The following EVC variants were observed in gnomAD, a reference collection of about 807,000 sequenced individuals.
The protein encoded by EVC is EvC ciliary complex subunit 1, also known as evC complex member EVC.
EVC carries 116 observed loss-of-function variants against 118.9 expected under a neutral mutation model. That is an observed-to-expected ratio of 0.98 (90% confidence interval 0.84 to 1.14). The LOEUF is 1.14. Among genes scored for constraint, EVC ranks in the 50% most tolerant of loss-of-function variants. The pLI is 0.00. For synonymous variants in EVC, 619 were observed against 534.7 expected, an observed-to-expected ratio of 1.16 and a Z score of -2.18; for missense variants, 1,401 against 1,246.4, an observed-to-expected ratio of 1.12 and a Z score of -1.87.
At position 5,754,076 on chromosome 4, in the gene EVC, C is replaced by A; in HGVS notation, c.1464+143C>A. The A allele has an allele frequency of 9.1e-7, 1 of 1,096,514 alleles. No homozygotes were observed. 67.9% of individuals were successfully genotyped at this position (1,096,514 alleles called of 1,614,324 possible). On this transcript the variant is annotated intron_variant, in intron 10 of 20. Transcript: ENST00000264956. This position sits in a 1 kb window ranked among gnomAD's most constrained non-coding sequence, Gnocchi z 5.8. ...ATGTGTCAGCCGAGTGACCGAATCTCAGTCCCTTAGCCCCTACATCCCTAG... is the reference window on the plus strand; with the variant it reads ...ATGTGTCAGCCGAGTGACCGAATCTAAGTCCCTTAGCCCCTACATCCCTAG...
the EVC span, chr4:5,825,613 A>G: frequency 6.2e-7 from 1 of 1,606,544 alleles, no homozygotes; most frequent in African/African-American, 1.3e-5. The surrounding 1 kb of genome is among the most constrained non-coding windows in gnomAD (Gnocchi z 4.4). Context: ...TACCTCGTAC[A>G]CAGGACCGTC....
At chr4:5,814,655 T>C (rs541255055), downstream of EVC, among the ~76,000 whole-genome samples, 30 of 152,222 alleles carry the variant, frequency 2.0e-4, no homozygotes, top group East Asian at 5.0e-3. Context: ...GCCCTTCCCC[T>C]TCACTCTGCA....
chr4:5,711,833 G>T (rs1723083438), intron 1 of EVC, among the ~76,000 whole-genome samples: 1 of 152,208 alleles, frequency 6.6e-6, no homozygotes, highest in African/African-American at 2.4e-5. Context: ...CTCCTCATCT[G>T]CAGCACCAAG....
chr4:5,823,829 T>C, the EVC span, among the ~76,000 whole-genome samples: 1 of 152,238 alleles, frequency 6.6e-6, no homozygotes, highest in African/African-American at 2.4e-5. Flanking sequence ...AGGTAATCCT[T>C]TATAGCAATG....
At chr4:5,824,841 C>A in the EVC span, 1 of 985,376 alleles carries the variant, frequency 1.0e-6, no homozygotes. Flanking sequence ...GTGTGCGTGC[C>A]TGCCCTCATG....
chr4:5,759,005 G>A (rs1231663150), intron 11 of EVC, among the ~76,000 whole-genome samples: 1 of 152,076 alleles, frequency 6.6e-6, no homozygotes. Context: ...TCCCTTTCTG[G>A]GGAGTCTTAT....
chr4:5,793,646 GAC>G lies in EVC; in HGVS notation c.1820_1821del (p.His607ProfsTer21). On this transcript the variant is annotated frameshift_variant, in exon 13 of 21. Coordinates refer to ENST00000264956, the MANE Select transcript of EVC (RefSeq NM_153717.3). LOFTEE classifies it high-confidence loss of function. Reference protein sequence around the residue: ...EECALSSVLQTHLREDHEGTI... With the variant: ...EECALSSVLQXHLREDHEGTI... ...AGTGTGCGCTGTCCAGCGTGCTGCAGACACACCTGCGGGAGGACCACGAGGGC... is the reference window on the plus strand; with the variant it reads ...AGTGTGCGCTGTCCAGCGTGCTGCAGACACCTGCGGGAGGACCACGAGGGC... The G allele has an allele frequency of 6.4e-7, 1 of 1,552,962 alleles. No individual in the cohort carries two copies.
intron 11 of EVC, among the ~76,000 whole-genome samples, chr4:5,772,561 C>T (rs1734146304): frequency 6.6e-6 from 1 of 152,074 alleles, no homozygotes; most frequent in Non-Finnish European, 1.5e-5. Flanking sequence ...TTAATCTGGC[C>T]CATCATGACC....
Position 5,756,406 on chromosome 4 carries a change from G to C in EVC, c.1563+44G>C. ...GACCAGCAGAGAAGCCCCAGGGTCTGTGTGTGTGCGAGAACCTCACATCCT... is the reference window on the plus strand; with the variant it reads ...GACCAGCAGAGAAGCCCCAGGGTCTCTGTGTGTGCGAGAACCTCACATCCT... On this transcript the variant is annotated intron_variant, in intron 11 of 20. Transcript: ENST00000264956. The surrounding 1 kb of genome is among the most constrained non-coding windows in gnomAD (Gnocchi z 4.2). 1 of 1,515,116 alleles carries C rather than the reference G, an allele frequency of 6.6e-7. No homozygotes were observed. Among genetic ancestry groups the C allele is most frequent in the Non-Finnish European group, 9.0e-7 (1 of 1,105,876 alleles). 93.9% of individuals were successfully genotyped at this position (1,515,116 alleles called of 1,614,324 possible). A position where few individuals can be genotyped will look rare whatever the true frequency, so the allele number is the denominator to read the frequency against.
At position 5,731,515 on chromosome 4, in the gene EVC, A is replaced by G; in HGVS notation, c.475A>G (p.Ser159Gly). Residue 159 changes from serine to glycine, a missense_variant, in exon 4 of 21, where the codon AGC becomes GGC. Physicochemically the swap from Ser to Gly is moderately conservative, Grantham distance 56 (BLOSUM62 0). Coordinates refer to ENST00000264956, the MANE Select transcript of EVC (RefSeq NM_153717.3). This position sits in a 1 kb window ranked among gnomAD's most constrained non-coding sequence, Gnocchi z 5.6. ...PHQPVEASPS[S>G]SLGSLSQGEK... ...CCAGCCGGTAGAGGCCTCTCCTTCC[A>G]GCAGTCTGGGGAGCCTGAGCCAGGG... The G allele has an allele frequency of 1.2e-6, 2 of 1,614,118 alleles. No individual in the cohort carries two copies. Among genetic ancestry groups the G allele is most frequent in the Non-Finnish European group, 1.7e-6 (2 of 1,180,014 alleles).
At chr4:5,828,655 T>C in the EVC span, 1 of 1,614,036 alleles carries the variant, frequency 6.2e-7, no homozygotes, top group Non-Finnish European at 8.5e-7. Flanking sequence ...CTCGAAGATG[T>C]TGTACTCCAC....
chr4:5,751,746 C>G (rs1730402603), intron 8 of EVC, among the ~76,000 whole-genome samples: 1 of 152,082 alleles, frequency 6.6e-6, no homozygotes, highest in Non-Finnish European at 1.5e-5. Flanking sequence ...AGTAGGGGAC[C>G]AGTGAGGGTG....
chr4:5,817,178 G>A (rs1717840612), downstream of EVC, among the ~76,000 whole-genome samples: 1 of 152,220 alleles, frequency 6.6e-6, no homozygotes, highest in East Asian at 1.9e-4. Context: ...CTGGAGTCAT[G>A]GAGGTCCTGG....
chr4:5,798,744 A>G lies in EVC; in HGVS notation c.2256A>G (p.Ala752=), dbSNP rs746682279. The change falls in exon 15 of 21, where the codon GCA becomes GCG. Residue 752 remains alanine, a synonymous_variant. Transcript: ENST00000264956. This position sits in a 1 kb window ranked among gnomAD's most constrained non-coding sequence, Gnocchi z 4.1. The part of the protein sequence containing the change: ...CAIGQALLVH[A]RNAATKSRAK... ...TTGGGCAGGCGCTGCTGGTGCATGC[A>G]CGGAATGCAGCCACCAAGAGCCGGG... 1.2e-6 allele frequency: 2 copies of G among 1,611,206 alleles called. No homozygotes were observed. Among genetic ancestry groups the G allele is most frequent in the Non-Finnish European group, 1.7e-6 (2 of 1,179,974 alleles).
intron 15 of EVC, among the ~76,000 whole-genome samples, chr4:5,800,851 T>TCCGCG (rs3836551): frequency 6.6e-6 from 1 of 151,380 alleles, no homozygotes; most frequent in Non-Finnish European, 1.5e-5. Flanking sequence ...CTCCGCAGCC[T>TCCGCG]CCGCGCCGCG....
In EVC at chr4:5,789,246, C is replaced by A. The variant is rs575941863; in HGVS notation, c.1777-4362C>A. ...CACAGCATGAAAGTCAGAGTCCTCG[C>A]CACACTCTGCAAAGCCCACCATGTC... On this transcript the variant is annotated intron_variant, in intron 12 of 20. Transcript: ENST00000264956. The surrounding 1 kb of genome is among the most constrained non-coding windows in gnomAD (Gnocchi z 4.3). Among the ~76,000 whole-genome samples, 41 of 152,264 alleles carry A rather than the reference C, an allele frequency of 2.7e-4. No homozygotes were observed. The highest frequency in any genetic ancestry group is 9.6e-4 in the African/African-American group (40 of 41,552).
At position 5,711,298 on chromosome 4, in the gene EVC, G is replaced by C; in HGVS notation, c.-83G>C. On this transcript the variant is annotated 5_prime_UTR_variant, in exon 1 of 21. Transcript: ENST00000264956. ...CGGGCCGCGCCCCTGGCCCGCCCGG[G>C]CTCCAAGTCCCGCGTCGCCGCCCTG... 1.1e-6 allele frequency: 1 copy of C among 939,784 alleles called. No homozygotes were observed. The highest frequency in any genetic ancestry group is 1.3e-6 in the Non-Finnish European group (1 of 784,526). 58.2% of individuals were successfully genotyped at this position (939,784 alleles called of 1,614,324 possible). A position where few individuals can be genotyped will look rare whatever the true frequency, so the allele number is the denominator to read the frequency against.
chr4:5,767,391 A>G (rs919863328), intron 11 of EVC, among the ~76,000 whole-genome samples: 2 of 144,848 alleles, frequency 1.4e-5, no homozygotes, highest in African/African-American at 5.0e-5. Flanking sequence ...GAACCTCCAG[A>G]GGCAGGCAGG....
chr4:5,808,565 G>C (rs1429813070), intron 18 of EVC, among the ~76,000 whole-genome samples: 1 of 152,198 alleles, frequency 6.6e-6, no homozygotes, highest in East Asian at 1.9e-4. Context: ...TGCTAAGCAG[G>C]GCCAGGCCCT....
Sources: gnomAD v4.1 joint callset for allele counts (sites outside exome capture counted in the v4.1 genomes callset) on GRCh38, gnomAD v4.1.1 for gene constraint, Gnocchi (gnomAD v3.1) non-coding constraint, MANE v1.5 for transcripts, NCBI Gene and HGNC (gene_info 2026-07-23, HGNC 2026-07-21) for gene names.